The following THSD4 variants were observed in gnomAD, a reference collection of about 807,000 sequenced individuals.
The protein encoded by THSD4 is thrombospondin type 1 domain containing 4, also known as thrombospondin type-1 domain-containing protein 4.
Under a neutral mutation model 119.0 loss-of-function variants are expected in THSD4, and 69 were observed. That is an observed-to-expected ratio of 0.58 (90% CI 0.48 to 0.71). THSD4 has a LOEUF of 0.71. THSD4 is among the 30% of genes least tolerant of loss of function. The pLI is 0.00. For missense variants in THSD4, 1,393 were observed against 1,391.1 expected, an observed-to-expected ratio of 1.00 and a Z score of -0.02; for synonymous variants, 524 against 540.4, an observed-to-expected ratio of 0.97 and a Z score of 0.42.
chr15:71,107,290 C>T (rs2040277935), intron 1 of THSD4, among the ~76,000 whole-genome samples: 1 of 151,494 alleles, frequency 6.6e-6, no homozygotes, highest in African/African-American at 2.4e-5. Context: ...ACAATGTGTT[C>T]CTGTTTTCTT....
At chr15:71,588,432 T>C (rs2140867152) in intron 7 of THSD4, among the ~76,000 whole-genome samples, 1 of 152,190 alleles carries the variant, frequency 6.6e-6, no homozygotes, top group South Asian at 2.1e-4. Flanking sequence ...TTTATTTATT[T>C]ATTTTTCTGA....
At chr15:71,325,223 A>C (rs2045323450) in intron 6 of THSD4, among the ~76,000 whole-genome samples, 1 of 152,228 alleles carries the variant, frequency 6.6e-6, no homozygotes, top group Admixed American at 6.5e-5. Context: ...TGTTGCAAGA[A>C]ACTCCTCATA....
intron 7 of THSD4, among the ~76,000 whole-genome samples, chr15:71,540,427 C>T (rs1595869094): frequency 4.7e-5 from 4 of 84,460 alleles, no homozygotes; most frequent in Non-Finnish European, 9.4e-5. Context: ...TGAGCCACTG[C>T]ACCTGGCCGC....
intron 6 of THSD4, among the ~76,000 whole-genome samples, chr15:71,324,698 C>A (rs890534109): frequency 2.1e-4 from 32 of 152,258 alleles, no homozygotes; most frequent in African/African-American, 7.7e-4. Flanking sequence ...TTTTCTTTAT[C>A]CAATCATTGG....
At chr15:71,738,262 T>G in intron 11 of THSD4, 1 of 456,050 alleles carries the variant, frequency 2.2e-6, no homozygotes, top group Non-Finnish European at 3.9e-6. Flanking sequence ...CACAATAGGG[T>G]TCACGCTCCT....
chr15:71,157,944 A>G, intron 3 of THSD4, among the ~76,000 whole-genome samples: 1 of 152,016 alleles, frequency 6.6e-6, no homozygotes, highest in Non-Finnish European at 1.5e-5. Context: ...TGCAGTAAAC[A>G]TAGGGGCACA....
At chr15:71,331,250 TGA>T (rs1475956215) in intron 6 of THSD4, among the ~76,000 whole-genome samples, 3 of 152,066 alleles carry the variant, frequency 2.0e-5, no homozygotes, top group African/African-American at 7.2e-5. Flanking sequence ...CTTCTGGCAT[TGA>T]AGAAGCAGCT....
At chr15:71,322,507 T>G (rs947568097) in intron 6 of THSD4, among the ~76,000 whole-genome samples, 1 of 152,210 alleles carries the variant, frequency 6.6e-6, no homozygotes, top group Non-Finnish European at 1.5e-5. Context: ...TATGACTGCA[T>G]AACAAATTAT....
chr15:71,780,816 C>A lies in THSD4; in HGVS notation c.*3442C>A. On this transcript the variant is annotated 3_prime_UTR_variant, in exon 18 of 18. Transcript: ENST00000261862. ...TTCTCAAAGTATTTAGCATTCAACA[C>A]TCTTTTTGCTTTAAAAAGAATGGCC... 2.2e-6 allele frequency: 1 copy of A among 456,044 alleles called. No homozygotes were observed. The highest frequency in any genetic ancestry group is 4.4e-6 in the Non-Finnish European group (1 of 226,712). The allele number at this position is 456,044 out of a possible 1,614,324, so 28.2% of individuals were successfully genotyped here.
chr15:71,444,741 A>G (rs1204094731), intron 7 of THSD4, among the ~76,000 whole-genome samples: 2 of 152,114 alleles, frequency 1.3e-5, no homozygotes, highest in Non-Finnish European at 2.9e-5. Context: ...ACCCAGTTCT[A>G]TTTATTCTTG....
At chr15:71,355,004 T>C (rs2045789993) in intron 6 of THSD4, among the ~76,000 whole-genome samples, 1 of 152,238 alleles carries the variant, frequency 6.6e-6, no homozygotes, top group South Asian at 2.1e-4. Flanking sequence ...TTATCCCTCC[T>C]AACCCCAGGG....
intron 6 of THSD4, among the ~76,000 whole-genome samples, chr15:71,306,307 CAAAAAAAAAAAAAAA>C (rs67260180): frequency 1.6e-4 from 10 of 62,940 alleles, no homozygotes; most frequent in African/African-American, 2.7e-4. Context: ...ACTCTTGCCT[CAAAAAAAAAAAAAAA>C]AAAAAAAAAA....
chr15:71,714,722 T>C (rs1171773829), intron 8 of THSD4, among the ~76,000 whole-genome samples: 1 of 152,014 alleles, frequency 6.6e-6, no homozygotes, highest in East Asian at 1.9e-4. Context: ...GACGCATGCC[T>C]GTAATCCTAG....
intron 7 of THSD4, among the ~76,000 whole-genome samples, chr15:71,512,924 T>C (rs1040295024): frequency 2.0e-5 from 3 of 152,196 alleles, no homozygotes; most frequent in African/African-American, 7.2e-5. Context: ...AGGAGTTCTT[T>C]TAACTCTAGA....
At chr15:71,406,240 T>G (rs1298667947) in intron 6 of THSD4, among the ~76,000 whole-genome samples, 1 of 152,254 alleles carries the variant, frequency 6.6e-6, no homozygotes, top group East Asian at 1.9e-4. Flanking sequence ...ATTATTTTGA[T>G]ATTTTAAAAT....
chr15:71,621,042 T>C (rs75633553), intron 7 of THSD4, among the ~76,000 whole-genome samples: 14 of 152,340 alleles, frequency 9.2e-5, no homozygotes, highest in African/African-American at 3.4e-4. Context: ...ATATTCTATG[T>C]TCATGATTTC....
intron 7 of THSD4, among the ~76,000 whole-genome samples, chr15:71,564,930 A>G (rs932211043): frequency 2.6e-5 from 4 of 151,866 alleles, no homozygotes; most frequent in Admixed American, 6.6e-5. Context: ...CAAAAAGGTT[A>G]AATAGTCATA....
Position 71,435,776 on chromosome 15 carries a change from ACCTGTGACG to A in THSD4, c.1152+23962_1152+23970del, listed in dbSNP as rs535670932. ...GGTGCCTCTAGTCACAGACCTGCCA[ACCTGTGACG>A]CCTGTGACACAGGGCAGGCACTTCA... On this transcript the variant is annotated intron_variant, in intron 7 of 17. Transcript: ENST00000261862. 1.8e-4 allele frequency among the ~76,000 whole-genome samples: 28 copies of A among 152,228 alleles called. No homozygotes were observed. In the South Asian group the frequency reaches 5.6e-3, roughly 30 times the overall value.
chr15:71,201,606 A>T (rs1216561673), intron 3 of THSD4, among the ~76,000 whole-genome samples: 1 of 152,094 alleles, frequency 6.6e-6, no homozygotes, highest in Admixed American at 6.5e-5. Flanking sequence ...CTCTTCAGGG[A>T]CTCCAGCCCC....
Sources: gnomAD v4.1 joint callset for allele counts (sites outside exome capture counted in the v4.1 genomes callset) on GRCh38, gnomAD v4.1.1 for gene constraint, MANE v1.5 for transcripts, NCBI Gene and HGNC (gene_info 2026-07-23, HGNC 2026-07-21) for gene names.